PAPSS2: variants seen among roughly 807,000 people sequenced by gnomAD.
PAPSS2 encodes the protein 3'-phosphoadenosine 5'-phosphosulfate synthase 2.
Under a neutral mutation model 66.5 loss-of-function variants are expected in PAPSS2, and 61 were observed. The observed-to-expected ratio is 0.92, with a 90% CI of 0.75 to 1.14. The LOEUF (loss-of-function observed/expected upper bound fraction) is 1.14. Ranked by LOEUF, PAPSS2 falls within the 50% of genes most tolerant of loss-of-function variation. The pLI is 0.00. For missense variants in PAPSS2, 708 were observed against 789.6 expected (o/e 0.90, Z 1.24); for synonymous variants, 289 against 287.5 (o/e 1.01, Z -0.05).
chr10:87,676,652 A>G (rs945266100), intron 1 of PAPSS2, among the ~76,000 whole-genome samples: 12 of 152,182 alleles, frequency 7.9e-5, no homozygotes, highest in African/African-American at 2.9e-4. Flanking sequence ...TTAAAAATTA[A>G]TATGTTGCGT....
intron 9 of PAPSS2, among the ~76,000 whole-genome samples, chr10:87,735,101 G>T (rs951904465): frequency 6.6e-6 from 1 of 152,026 alleles, no homozygotes; most frequent in African/African-American, 2.4e-5. Context: ...TCCTTTTGGC[G>T]CATCTAGTTC....
intron 7 of PAPSS2, among the ~76,000 whole-genome samples, chr10:87,721,160 G>A (rs1488638557): frequency 6.6e-6 from 1 of 152,220 alleles, no homozygotes; most frequent in African/African-American, 2.4e-5. Flanking sequence ...TAATACCACT[G>A]TGAAGATATT....
intron 1 of PAPSS2, among the ~76,000 whole-genome samples, chr10:87,686,454 C>A (rs974358458): frequency 9.2e-5 from 14 of 151,838 alleles, no homozygotes; most frequent in African/African-American, 3.1e-4. Flanking sequence ...ATCCCCTTCT[C>A]TTCCCCCTCC....
rs577045824 is a variant in PAPSS2, at chr10:87,688,511, G to A, written c.28-20685G>A. On this transcript the variant is annotated intron_variant, in intron 1 of 12. Transcript: ENST00000456849. ...GTCTCACTCTGTCACCCAGGCTGGAGTGCAGTGGTGGGATCTCTGCTCACC... is the reference window on the plus strand; with the variant it reads ...GTCTCACTCTGTCACCCAGGCTGGAATGCAGTGGTGGGATCTCTGCTCACC... Among the ~76,000 whole-genome samples, 17 of 149,996 alleles carry A rather than the reference G, an allele frequency of 1.1e-4. No homozygotes were observed. In the South Asian group the frequency reaches 1.3e-3, roughly 11 times the overall value.
chr10:87,714,003 G>T (rs17125089), intron 3 of PAPSS2, 41 bp from the exon 4 acceptor site: 1 of 1,609,866 alleles, frequency 6.2e-7, no homozygotes, highest in Admixed American at 1.7e-5. Flanking sequence ...GAATTTCACC[G>T]TGAAACCTCT....
intron 2 of PAPSS2, among the ~76,000 whole-genome samples, chr10:87,709,677 C>G (rs961179492): frequency 2.0e-5 from 3 of 152,166 alleles, no homozygotes; most frequent in Non-Finnish European, 4.4e-5. Flanking sequence ...ATGAGGCTTT[C>G]CTAATTTGAC....
At chr10:87,713,956 C>A in intron 3 of PAPSS2, 88 bp from the exon 4 acceptor site, 1 of 1,385,926 alleles carries the variant, frequency 7.2e-7, no homozygotes, top group Non-Finnish European at 1.0e-6. Context: ...TATCTCAAGG[C>A]TATTGAAAAC....
chr10:87,745,983 A>C lies in PAPSS2; in HGVS notation c.*13A>C, dbSNP rs1853933993. The C allele has an allele frequency of 1.2e-6, 2 of 1,613,492 alleles. No individual in the cohort carries two copies. The highest frequency in any genetic ancestry group is 1.1e-5 in the South Asian group (1 of 91,078). Reference sequence around the variant, plus strand: ...GGAGAAGAACTAAGCCTTTGGCTCCAGAGTTTCTTTCTGAAGTGCTCTTTG... The same window carrying C: ...GGAGAAGAACTAAGCCTTTGGCTCCCGAGTTTCTTTCTGAAGTGCTCTTTG... On this transcript the variant is annotated 3_prime_UTR_variant, in exon 13 of 13. Coordinates refer to ENST00000456849, the MANE Select transcript of PAPSS2 (RefSeq NM_001015880.2).
chr10:87,736,121 G>A (rs1564727763), intron 9 of PAPSS2, among the ~76,000 whole-genome samples: 1 of 152,116 alleles, frequency 6.6e-6, no homozygotes, highest in African/African-American at 2.4e-5. Context: ...GTTTGACTGA[G>A]GAATGAGATT....
intron 12 of PAPSS2, 110 bp downstream of exon 12, chr10:87,745,341 T>C (rs779102539): frequency 3.5e-5 from 29 of 834,256 alleles, no homozygotes; most frequent in Non-Finnish European, 5.2e-5. Flanking sequence ...TGCTCCCAAG[T>C]GGACTGAGTC....
intron 1 of PAPSS2, among the ~76,000 whole-genome samples, chr10:87,674,814 CTTT>C (rs1372703235): frequency 1.3e-5 from 2 of 152,084 alleles, no homozygotes; most frequent in African/African-American, 4.8e-5. Flanking sequence ...TACCGTAATT[CTTT>C]TTCTTTTATT....
At chr10:87,740,290 CAT>C (rs975600046) in intron 9 of PAPSS2, among the ~76,000 whole-genome samples, 5 of 133,198 alleles carry the variant, frequency 3.8e-5, no homozygotes, top group South Asian at 2.7e-4. Context: ...GATATTAACA[CAT>C]GTGTGATGAG....
At chr10:87,692,865 T>C (rs1853188248) in intron 1 of PAPSS2, among the ~76,000 whole-genome samples, 1 of 152,202 alleles carries the variant, frequency 6.6e-6, no homozygotes. Flanking sequence ...TCACTGAGTG[T>C]GCAGGGGAAA....
chr10:87,706,666 G>A (rs1161056163), intron 1 of PAPSS2, among the ~76,000 whole-genome samples: 1 of 152,056 alleles, frequency 6.6e-6, no homozygotes, highest in African/African-American at 2.4e-5. Flanking sequence ...GGCTGGGGTG[G>A]GAGGATAGCT....
chr10:87,737,847 T>C (rs1313465335), intron 9 of PAPSS2, among the ~76,000 whole-genome samples: 1 of 152,080 alleles, frequency 6.6e-6, no homozygotes, highest in Non-Finnish European at 1.5e-5. Flanking sequence ...TCTTCTTTCC[T>C]CCAGCTCCTG....
intron 1 of PAPSS2, among the ~76,000 whole-genome samples, chr10:87,674,506 T>A (rs1220568590): frequency 6.6e-6 from 1 of 152,130 alleles, no homozygotes; most frequent in Admixed American, 6.5e-5. Context: ...ATTTGGCATT[T>A]TCTTCAATTA....
At chr10:87,701,626 C>T (rs4934361) in intron 1 of PAPSS2, among the ~76,000 whole-genome samples, 80,253 of 151,588 alleles carry the variant, frequency 0.53, 23,021 homozygotes, top group African/African-American at 0.75. Context: ...TATCTCACTA[C>T]GTTCCCCAGG....
At chr10:87,734,523 T>C (rs1451199981) in intron 9 of PAPSS2, among the ~76,000 whole-genome samples, 1 of 151,824 alleles carries the variant, frequency 6.6e-6, no homozygotes, top group Non-Finnish European at 1.5e-5. Context: ...GAAAGCTCTG[T>C]GCACTTGAAC....
chr10:87,660,195 C>G (rs1370969292), intron 1 of PAPSS2, among the ~76,000 whole-genome samples, 187 bp downstream of exon 1: 1 of 152,156 alleles, frequency 6.6e-6, no homozygotes, highest in East Asian at 1.9e-4. Context: ...CAGTCCTCGC[C>G]CCGCAGCCCC....
Sources: gnomAD v4.1 joint callset for allele counts (sites outside exome capture counted in the v4.1 genomes callset) on GRCh38, gnomAD v4.1.1 for gene constraint, MANE v1.5 for transcripts, NCBI Gene and HGNC (gene_info 2026-07-23, HGNC 2026-07-21) for gene names.